MEGF9: variants seen among roughly 807,000 people sequenced by gnomAD.
The protein encoded by MEGF9 is multiple epidermal growth factor-like domains protein 9.
In MEGF9, 6 loss-of-function variants were observed where a neutral mutation model predicts 46.8. The ratio of observed to expected loss-of-function variants is 0.13; its 90% confidence interval spans 0.07 to 0.25. The LOEUF (loss-of-function observed/expected upper bound fraction) is 0.25, where lower values mean the gene tolerates loss of function less well. Among genes scored for constraint, MEGF9 ranks in the 10% least tolerant of loss-of-function variants. The probability of loss-of-function intolerance (pLI) is 1.00; values close to 1 mark genes in which losing one functional copy is unlikely to be tolerated. For missense variants in MEGF9, 683 were observed against 792.4 expected (o/e 0.86, Z 1.66); for synonymous variants, 302 against 330.7 (o/e 0.91, Z 0.94).
At chr9:120,631,939 C>CT (rs1229864483) in intron 2 of MEGF9, among the ~76,000 whole-genome samples, 1 of 151,308 alleles carries the variant, frequency 6.6e-6, no homozygotes, top group African/African-American at 2.4e-5. Context: ...TCCTCCTCCT[C>CT]TTTTTTTGAG....
intron 1 of MEGF9, among the ~76,000 whole-genome samples, chr9:120,710,032 CAAAA>C (rs56208944): frequency 2.0e-5 from 2 of 97,890 alleles, no homozygotes; most frequent in Admixed American, 1.1e-4. Context: ...AACTCCGTCT[CAAAA>C]AAAAAAAAAA....
At chr9:120,667,019 A>G (rs2043728176) in intron 1 of MEGF9, among the ~76,000 whole-genome samples, 3 of 152,200 alleles carry the variant, frequency 2.0e-5, no homozygotes, top group Non-Finnish European at 2.9e-5. Flanking sequence ...ATGTATCAAC[A>G]CTGACAGAAC....
In MEGF9 at chr9:120,627,730, T is replaced by C. The variant is rs565883551; in HGVS notation, c.804-4975A>G. Among the ~76,000 whole-genome samples, 16 of 152,356 alleles carry C rather than the reference T, an allele frequency of 1.1e-4. No individual in the cohort carries two copies. In the East Asian group the frequency reaches 3.1e-3, roughly 29 times the overall value. On this transcript the variant is annotated intron_variant, in intron 2 of 5. Coordinates refer to ENST00000373930, the MANE Select transcript of MEGF9 (RefSeq NM_001080497.3). ...CACCCGCCTGGGCTTCCCCAAGTGC[T>C]GGGATTACAGGTGTGAGCCACTGCG...
Position 120,604,998 on chromosome 9 carries a change from C to T in MEGF9, c.*192G>A, listed in dbSNP as rs151265929. 4.1e-5 allele frequency: 25 copies of T among 603,660 alleles called. No individual in the cohort carries two copies. The highest frequency in any genetic ancestry group is 2.8e-4 in the Admixed American group (9 of 31,876). 37.4% of individuals were successfully genotyped at this position (603,660 alleles called of 1,614,324 possible). A position where few individuals can be genotyped will look rare whatever the true frequency, so the allele number is the denominator to read the frequency against. ...TACTTCAAGTCCTAATGACAGTGAA[C>T]GCTTCAGATCTTCATGGGAAAACTA... On this transcript the variant is annotated 3_prime_UTR_variant, in exon 6 of 6. Coordinates refer to ENST00000373930, the MANE Select transcript of MEGF9 (RefSeq NM_001080497.3).
Position 120,659,412 on chromosome 9 carries a change from G to T in MEGF9, c.765C>A (p.Asp255Glu), listed in dbSNP as rs1463191269. Reference sequence around the variant, plus strand: ...TGCTGAGAGCTCCATGTGGACTACAGTCACATGGCTGACAGAGCCCAGAAG... The same window carrying T: ...TGCTGAGAGCTCCATGTGGACTACATTCACATGGCTGACAGAGCCCAGAAG... ...NYTSGLCQPC[D>E]CSPHGALSIP... The change falls in exon 2 of 6, where the codon GAC becomes GAA. Residue 255 changes from aspartate (D) to glutamate (E), a missense_variant. By Grantham distance (45) the Asp-to-Glu change is conservative (BLOSUM62 2). This residue lies in a region of MEGF9 where 370 missense variants were observed against 371.3 expected (regional missense o/e 1.00). Coordinates refer to ENST00000373930, the MANE Select transcript of MEGF9 (RefSeq NM_001080497.3). 2 of 1,613,844 alleles carry T rather than the reference G, an allele frequency of 1.2e-6. No homozygotes were observed. The highest frequency in any genetic ancestry group is 4.5e-5 in the East Asian group (2 of 44,862).
chr9:120,629,317 C>G (rs918004544), intron 2 of MEGF9, among the ~76,000 whole-genome samples: 1 of 152,072 alleles, frequency 6.6e-6, no homozygotes, highest in African/African-American at 2.4e-5. Context: ...GAGCCAAATC[C>G]TGCCTGAGAC....
At chr9:120,665,055 G>A (rs1227108269) in intron 1 of MEGF9, among the ~76,000 whole-genome samples, 7 of 148,732 alleles carry the variant, frequency 4.7e-5, no homozygotes, top group Admixed American at 4.6e-4. Flanking sequence ...TGAAAATATA[G>A]AGTAAATTAC....
chr9:120,646,139 C>T (rs572926103), intron 2 of MEGF9, among the ~76,000 whole-genome samples: 53 of 152,162 alleles, frequency 3.5e-4, no homozygotes, highest in African/African-American at 8.9e-4. Context: ...GCTGTCATGG[C>T]GTATCACCCT....
intron 1 of MEGF9, among the ~76,000 whole-genome samples, chr9:120,689,556 T>A (rs143385340): frequency 0.011 from 1,624 of 152,022 alleles, 31 homozygotes; most frequent in African/African-American, 0.034. Flanking sequence ...AAAAATCCAA[T>A]TGAGAGATGA....
intron 1 of MEGF9, among the ~76,000 whole-genome samples, chr9:120,674,955 T>G (rs2043766454): frequency 6.6e-6 from 1 of 151,258 alleles, no homozygotes; most frequent in Non-Finnish European, 1.5e-5. Flanking sequence ...CTCGGCTCAC[T>G]GCAAGCTCCG....
chr9:120,641,944 C>T (rs1169135160), intron 2 of MEGF9, among the ~76,000 whole-genome samples: 2 of 152,156 alleles, frequency 1.3e-5, no homozygotes, highest in Admixed American at 6.6e-5. Flanking sequence ...TGATTAATTA[C>T]AACTATTGTC....
rs570379191 is a variant in MEGF9 at position 120,624,647 on chromosome 9, A to G, written c.804-1892T>C. On this transcript the variant is annotated intron_variant, in intron 2 of 5. Transcript: ENST00000373930. ...TTTGGGAGGCTGAGGTGGGTGGGTC[A>G]CTTGAGGTCACAAGTTCAAGACCAG... Among the ~76,000 whole-genome samples, 258 of 152,246 alleles carry G rather than the reference A, an allele frequency of 1.7e-3. 1 individual carries two copies. The highest frequency in any genetic ancestry group is 1.9e-3 in the Non-Finnish European group (126 of 68,016).
intron 1 of MEGF9, among the ~76,000 whole-genome samples, chr9:120,664,696 C>T (rs2043717317): frequency 6.6e-6 from 1 of 152,020 alleles, no homozygotes; most frequent in African/African-American, 2.4e-5. Flanking sequence ...ACAAAATTAT[C>T]GCACTTAAGC....
intron 1 of MEGF9, among the ~76,000 whole-genome samples, chr9:120,680,594 G>A (rs2043794279): frequency 1.3e-5 from 2 of 151,962 alleles, no homozygotes; most frequent in South Asian, 4.2e-4. Flanking sequence ...CCACAGCACT[G>A]GATCTCTCCC....
At chr9:120,664,480 A>G (rs2043716173) in intron 1 of MEGF9, among the ~76,000 whole-genome samples, 1 of 152,236 alleles carries the variant, frequency 6.6e-6, no homozygotes, top group Admixed American at 6.5e-5. Flanking sequence ...AAATTTGCGT[A>G]ACAAAATAAA....
intron 2 of MEGF9, 115 bp from the exon 3 acceptor site, chr9:120,622,870 A>T: frequency 1.0e-6 from 1 of 995,040 alleles, no homozygotes; most frequent in Non-Finnish European, 1.4e-6. Flanking sequence ...TACTTACCAT[A>T]TCTCAAAGCC....
intron 2 of MEGF9, among the ~76,000 whole-genome samples, chr9:120,635,773 T>TA (rs202189141): frequency 0.014 from 2,061 of 152,312 alleles, 46 homozygotes; most frequent in African/African-American, 0.043. Flanking sequence ...TTCAATTTCT[T>TA]AAAAAATCAT....
rs1193007265 is a variant in MEGF9, at chr9:120,652,177, C to CAAAAAAAAAA, written c.803+7196_803+7197insTTTTTTTTTT. The stretch of plus-strand genomic sequence containing the variant: ...ACACACACACACACACACACACACA[C>CAAAAAAAAAA]ACACAAAAAAAAAAAAAAAAAAAAC... On this transcript the variant is annotated intron_variant, in intron 2 of 5. Transcript: ENST00000373930. Among the ~76,000 whole-genome samples the CAAAAAAAAAA allele has an allele frequency of 2.8e-4, 4 of 14,080 alleles. 2 individuals carry two copies. 9.2% of individuals were successfully genotyped at this position (14,080 alleles called of 152,430 possible).
rs566202213 is a variant in MEGF9, at chr9:120,714,138, G to A, written c.221C>T (p.Thr74Met). 65 of 1,236,704 alleles carry A rather than the reference G, an allele frequency of 5.3e-5. No homozygotes were observed. The highest frequency in any genetic ancestry group is 6.6e-5 in the Non-Finnish European group (65 of 990,830). The allele number at this position is 1,236,704 out of a possible 1,614,324, so 76.6% of individuals were successfully genotyped here. A position where few individuals can be genotyped will look rare whatever the true frequency, so the allele number is the denominator to read the frequency against. ...SHPFPRATAP[T>M]AQAPRTGPPR... ...GGGCCCGGTCCTCGGGGCCTGGGCC[G>A]TGGGAGCCGTCGCCCTAGGGAAGGG... is the stretch of plus-strand genomic sequence containing the variant. The change falls in exon 1 of 6, where the codon ACG (threonine) becomes ATG (methionine). Residue 74 changes from threonine (T) to methionine (M), a missense_variant. Thr to Met is a moderately conservative substitution (Grantham distance 81, BLOSUM62 -1). Around this residue, in one of 2 missense-constraint regions of MEGF9, gnomAD observed 370 missense variants for 371.3 expected, o/e 1.00. Transcript: ENST00000373930.
Sources: allele counts gnomAD v4.1 joint callset (sites outside exome capture counted in the v4.1 genomes callset), GRCh38; gene constraint gnomAD v4.1.1; regional missense constraint gnomAD v4.1.1; transcripts MANE v1.5; gene names NCBI Gene and HGNC (gene_info 2026-07-23, HGNC 2026-07-21).